LARP4: variants seen among roughly 807,000 people sequenced by gnomAD.
The protein encoded by LARP4 is la-related protein 4.
In LARP4, 29 loss-of-function variants were observed where a neutral mutation model predicts 92.9. The observed-to-expected ratio is 0.31, with a 90% CI of 0.23 to 0.43. The LOEUF is 0.43. Among genes scored for constraint, LARP4 ranks in the 20% least tolerant of loss-of-function variants. The pLI is 1.00. For missense variants in LARP4, 732 were observed against 860.0 expected (o/e 0.85, Z 1.86); for synonymous variants, 279 against 284.1 (o/e 0.98, Z 0.18).
chr12:50,444,753 A>G (rs1951744363), intron 8 of LARP4, among the ~76,000 whole-genome samples: 1 of 152,196 alleles, frequency 6.6e-6, no homozygotes, highest in African/African-American at 2.4e-5. Flanking sequence ...TGATGATTTC[A>G]TTAAGAGGCA....
In LARP4 at chr12:50,400,973, T is replaced by A. The variant is rs955201344; in HGVS notation, c.-38T>A. ...CGCGGGCCTGTGAGCCAGTTGGAGT[T>A]GCGGCGGCGGGAACGATTGGGCTGA... On this transcript the variant is annotated 5_prime_UTR_variant, in exon 1 of 16. Coordinates refer to ENST00000398473, the MANE Select transcript of LARP4 (RefSeq NM_052879.5). 4 of 1,613,966 alleles carry A rather than the reference T, an allele frequency of 2.5e-6. No individual in the cohort carries two copies. In the African/African-American group the frequency reaches 5.3e-5, roughly 22 times the overall value.
chr12:50,447,860 C>G (rs561394047), intron 8 of LARP4, among the ~76,000 whole-genome samples: 18 of 151,838 alleles, frequency 1.2e-4, no homozygotes, highest in Non-Finnish European at 2.2e-4. Context: ...CGCACCACTC[C>G]CCCCCCATTT....
intron 12 of LARP4, among the ~76,000 whole-genome samples, chr12:50,464,103 G>A (rs147354230): frequency 7.9e-5 from 12 of 152,206 alleles, no homozygotes; most frequent in African/African-American, 2.9e-4. Context: ...TATCTTTATA[G>A]CAGTGCTCCA....
intron 10 of LARP4, among the ~76,000 whole-genome samples, chr12:50,456,631 G>A (rs1954297731): frequency 6.6e-6 from 1 of 152,052 alleles, no homozygotes; most frequent in African/African-American, 2.4e-5. Context: ...CAGAAATCCA[G>A]GCATTTTTCT....
In LARP4 at chr12:50,453,265, T is replaced by C. The variant is rs1413110397; in HGVS notation, c.805-195T>C. On this transcript the variant is annotated intron_variant, in intron 8 of 15. Coordinates refer to ENST00000398473, the MANE Select transcript of LARP4 (RefSeq NM_052879.5). ...GGGGGGGGTTTTACCTTGTTTACTA[T>C]GGTTTTTATACCATGAAAACGTTTT... Among the ~76,000 whole-genome samples, 13 of 152,122 alleles carry C rather than the reference T, an allele frequency of 8.5e-5. No homozygotes were observed. The East Asian group carries it at 2.5e-3, about 29-fold the overall frequency.
chr12:50,417,432 G>A (rs1279881064), intron 1 of LARP4, among the ~76,000 whole-genome samples: 1 of 151,740 alleles, frequency 6.6e-6, no homozygotes, highest in African/African-American at 2.4e-5. Context: ...ATAATACCTT[G>A]ATACTTCTCC....
intron 13 of LARP4, among the ~76,000 whole-genome samples, chr12:50,469,613 A>G (rs1358057499): frequency 3.5e-5 from 5 of 142,334 alleles, no homozygotes; most frequent in African/African-American, 1.3e-4. Context: ...AAAAAAAAAA[A>G]AAAAAAAAAA....
intron 1 of LARP4, among the ~76,000 whole-genome samples, chr12:50,426,732 GTTTTTTTTTT>G (rs796220360): frequency 1.9e-5 from 1 of 52,110 alleles, no homozygotes; most frequent in Non-Finnish European, 3.8e-5. Flanking sequence ...TGTGTGTGTG[GTTTTTTTTTT>G]TTTTTTTTTC....
chr12:50,408,187 CTTTTTTTTTT>C (rs71083565), intron 1 of LARP4, among the ~76,000 whole-genome samples: 1,047 of 69,288 alleles, frequency 0.015, 16 homozygotes, highest in Middle Eastern at 0.019. Flanking sequence ...GGATTTTCTG[CTTTTTTTTTT>C]TTTTTTTTTT....
chr12:50,459,117 G>A (rs1006520608), intron 10 of LARP4, among the ~76,000 whole-genome samples: 1 of 152,156 alleles, frequency 6.6e-6, no homozygotes, highest in African/African-American at 2.4e-5. Flanking sequence ...TCCTGCCTCA[G>A]CCTCCTGAAT....
chr12:50,437,430 T>C (rs557229278), intron 5 of LARP4, among the ~76,000 whole-genome samples: 1 of 151,888 alleles, frequency 6.6e-6, no homozygotes, highest in South Asian at 2.1e-4. Flanking sequence ...ATTTGGTTAT[T>C]ATATACAAGA....
At chr12:50,447,710 T>TTTTG (rs1007278463) in intron 8 of LARP4, among the ~76,000 whole-genome samples, 4 of 151,958 alleles carry the variant, frequency 2.6e-5, no homozygotes, top group South Asian at 2.1e-4. Context: ...TAGCTAATTA[T>TTTTG]TTTGTTTGTT....
rs1565678782 is a variant in LARP4 at position 50,453,498 on chromosome 12, T to C, written c.843T>C (p.Asn281=). ...IKAINTFFAK[N]GYRLMDSSIY... is the part of the protein sequence containing the mutation. ...CCATCAATACATTTTTTGCTAAGAA[T>C]GGTTATCGATTAATGGATTCTAGTA... Residue 281 remains asparagine, a synonymous_variant, in exon 9 of 16, where the codon AAT becomes AAC. Transcript: ENST00000398473. The C allele has an allele frequency of 1.2e-6, 2 of 1,612,904 alleles. No homozygotes were observed. Among genetic ancestry groups the C allele is most frequent in the South Asian group, 1.1e-5 (1 of 91,020 alleles).
rs1007859489 is a variant in LARP4 at position 50,479,074 on chromosome 12, AAAG to A, written c.*3216_*3218del. On this transcript the variant is annotated 3_prime_UTR_variant, in exon 16 of 16. Coordinates refer to ENST00000398473, the MANE Select transcript of LARP4 (RefSeq NM_052879.5). ...GGAATGTTAGCATCTTCACTAGGGT[AAAG>A]AAGAACAAAAAGAATGTTGCTGGAA... is the stretch of plus-strand genomic sequence containing the variant. 1 of 152,604 alleles carries A rather than the reference AAAG, an allele frequency of 6.6e-6. No homozygotes were observed. The highest frequency in any genetic ancestry group is 1.5e-5 in the Non-Finnish European group (1 of 68,006). 9.5% of individuals were successfully genotyped at this position (152,604 alleles called of 1,614,324 possible). A position where few individuals can be genotyped will look rare whatever the true frequency, so the allele number is the denominator to read the frequency against.
At chr12:50,415,999 C>G (rs1359552653) in intron 1 of LARP4, among the ~76,000 whole-genome samples, 1 of 151,984 alleles carries the variant, frequency 6.6e-6, no homozygotes, top group South Asian at 2.1e-4. Flanking sequence ...GAGCCACCGC[C>G]CCCACCCTCC....
chr12:50,449,222 C>T (rs994486112), intron 8 of LARP4, among the ~76,000 whole-genome samples: 3 of 152,010 alleles, frequency 2.0e-5, no homozygotes, highest in Non-Finnish European at 4.4e-5. Context: ...CCAACATTGG[C>T]GGCAGAGCAA....
chr12:50,475,879 A>C lies in LARP4; in HGVS notation c.*15A>C, dbSNP rs375085930. On this transcript the variant is annotated 3_prime_UTR_variant, in exon 16 of 16. Transcript: ENST00000398473. ...CACCAAAGTAAAAAACAACAAAACT[A>C]TTCAAAAACTTCACTCTCTTCCCAT... 1.2e-4 allele frequency: 189 copies of C among 1,601,538 alleles called. No homozygotes were observed. Among genetic ancestry groups the C allele is most frequent in the Non-Finnish European group, 1.5e-4 (181 of 1,171,488 alleles).
At chr12:50,456,942 C>T (rs1252487245) in intron 10 of LARP4, among the ~76,000 whole-genome samples, 1 of 151,906 alleles carries the variant, frequency 6.6e-6, no homozygotes, top group Non-Finnish European at 1.5e-5. Flanking sequence ...GAGACGGAGT[C>T]GTGCTCTGTC....
chr12:50,469,424 G>A (rs2139015926), intron 13 of LARP4, among the ~76,000 whole-genome samples: 2 of 152,110 alleles, frequency 1.3e-5, no homozygotes, highest in Middle Eastern at 6.8e-3. Context: ...CTAACATGGT[G>A]AAACTCCGTC....
Sources: gnomAD v4.1 joint callset for allele counts (sites outside exome capture counted in the v4.1 genomes callset) on GRCh38, gnomAD v4.1.1 for gene constraint, MANE v1.5 for transcripts, NCBI Gene and HGNC (gene_info 2026-07-23, HGNC 2026-07-21) for gene names.